Variants in TIMD4 observed in about 807,000 individuals in gnomAD.
The protein encoded by TIMD4 is T cell immunoglobulin and mucin domain containing 4, also known as T-cell immunoglobulin and mucin domain-containing protein 4.
Under a neutral mutation model 41.2 loss-of-function variants are expected in TIMD4, and 31 were observed. That is an observed-to-expected ratio of 0.75 (90% CI 0.57 to 1.01). The LOEUF is 1.01. Ranked by LOEUF, TIMD4 falls within the 50% of genes least tolerant of loss-of-function variation. The pLI is 0.00. For missense variants in TIMD4, 479 were observed against 472.5 expected, an observed-to-expected ratio of 1.01 and a Z score of -0.13; for synonymous variants, 204 against 177.1, an observed-to-expected ratio of 1.15 and a Z score of -1.21.
At chr5:156,954,864 G>A in intron 1 of TIMD4, 108 bp from the exon 2 acceptor site, 11 of 953,668 alleles carry the variant, frequency 1.2e-5, no homozygotes, top group Non-Finnish European at 1.7e-5. Flanking sequence ...GAAAGCTGTA[G>A]TCTATGTTTC....
At chr5:156,950,761 C>T (rs192076869) in intron 3 of TIMD4, among the ~76,000 whole-genome samples, 81 of 152,254 alleles carry the variant, frequency 5.3e-4, no homozygotes, top group African/African-American at 1.6e-3. Flanking sequence ...ATTTTAAAGG[C>T]GTCTGGAGGT....
intron 7 of TIMD4, among the ~76,000 whole-genome samples, chr5:156,921,095 C>T (rs558605312): frequency 1.0e-5 from 1 of 100,200 alleles, no homozygotes; most frequent in South Asian, 3.6e-4. Flanking sequence ...TGTTTCATGG[C>T]TGTTTTTGTA....
chr5:156,927,201 G>A (rs1759363814), intron 5 of TIMD4, among the ~76,000 whole-genome samples: 1 of 152,244 alleles, frequency 6.6e-6, no homozygotes, highest in Admixed American at 6.5e-5. Flanking sequence ...CAGAGTCCCT[G>A]TCTGCTTGTT....
intron 5 of TIMD4, among the ~76,000 whole-genome samples, chr5:156,945,160 CACCAGAGGGGAG>C (rs1208560901): frequency 6.6e-6 from 1 of 152,158 alleles, no homozygotes; most frequent in Non-Finnish European, 1.5e-5. Flanking sequence ...CTGTAAGAGG[CACCAGAGGGGAG>C]ACCAGGAGGA....
At chr5:156,961,670 G>T (rs1228933722) in intron 1 of TIMD4, among the ~76,000 whole-genome samples, 2 of 151,916 alleles carry the variant, frequency 1.3e-5, no homozygotes, top group Non-Finnish European at 2.9e-5. Flanking sequence ...AGGCATGGTG[G>T]CAGGCGCCCA....
rs551738215 is a variant in TIMD4, at chr5:156,953,178, G to A, written c.400+1237C>T. On this transcript the variant is annotated intron_variant, in intron 2 of 8. Transcript: ENST00000274532. ...GGTTATACCCAACTTGAAAAGAGAA[G>A]ACTTGAGTGGGAGTCATCTAACTTC... is the stretch of plus-strand genomic sequence containing the variant. 3.1e-3 allele frequency among the ~76,000 whole-genome samples: 472 copies of A among 152,282 alleles called. 2 individuals carry two copies. The highest frequency in any genetic ancestry group is 5.3e-3 in the Non-Finnish European group (361 of 68,026).
chr5:156,940,218 G>A (rs542220359), intron 5 of TIMD4, among the ~76,000 whole-genome samples: 5 of 152,206 alleles, frequency 3.3e-5, no homozygotes, highest in Non-Finnish European at 7.3e-5. Flanking sequence ...TCGGCCTCCC[G>A]AGGTGCCGGG....
intron 5 of TIMD4, among the ~76,000 whole-genome samples, chr5:156,926,769 G>A (rs186641797): frequency 1.3e-5 from 2 of 152,322 alleles, no homozygotes; most frequent in East Asian, 3.9e-4. Context: ...GTAAATAGTT[G>A]AAAACATAAT....
intron 5 of TIMD4, among the ~76,000 whole-genome samples, chr5:156,939,355 G>A (rs61178070): frequency 0.021 from 3,130 of 152,188 alleles, 96 homozygotes; most frequent in African/African-American, 0.068. Flanking sequence ...CATATAATAA[G>A]TACTCAGTAA....
chr5:156,927,482 C>A (rs543878424), intron 5 of TIMD4, among the ~76,000 whole-genome samples: 1 of 152,274 alleles, frequency 6.6e-6, no homozygotes, highest in East Asian at 1.9e-4. Flanking sequence ...CAGGGAAGGC[C>A]TTTGTTTCCT....
chr5:156,954,572 T>G lies in TIMD4; in HGVS notation c.243A>C (p.Ser81=), dbSNP rs754347670. The change falls in exon 2 of 9, where the codon TCA becomes TCC. Residue 81 remains serine (S), a synonymous_variant. Transcript: ENST00000274532. ...TAGTCCCCTGAAGTCTATATTTTGC[T>G]GACTTTCTTGAGGTCACCCTCATTC... ...TDGMRVTSRK[S]AKYRLQGTIP... is the part of the protein sequence containing the mutation. 6.2e-7 allele frequency: 1 copy of G among 1,614,158 alleles called. No homozygotes were observed. The highest frequency in any genetic ancestry group is 1.3e-5 in the African/African-American group (1 of 74,952).
intron 5 of TIMD4, among the ~76,000 whole-genome samples, chr5:156,931,639 A>G (rs1000049921): frequency 6.6e-6 from 1 of 152,204 alleles, no homozygotes; most frequent in African/African-American, 2.4e-5. Context: ...GTAAGTTAGT[A>G]AATTGGCTTT....
At chr5:156,955,512 C>T (rs954888349) in intron 1 of TIMD4, among the ~76,000 whole-genome samples, 3 of 152,050 alleles carry the variant, frequency 2.0e-5, no homozygotes, top group Admixed American at 6.6e-5. Context: ...AAAAATTAGC[C>T]GGGCGTGGTG....
Position 156,954,642 on chromosome 5 carries a change from T to C in TIMD4, c.173A>G (p.Gln58Arg), listed in dbSNP as rs753296002. 3 of 1,614,250 alleles carry C rather than the reference T, an allele frequency of 1.9e-6. No individual in the cohort carries two copies. Among genetic ancestry groups the C allele is most frequent in the Non-Finnish European group, 2.5e-6 (3 of 1,180,042 alleles). Residue 58 changes from glutamine to arginine, a missense_variant, in exon 2 of 9, where the codon CAG (glutamine) becomes CGG (arginine). Coordinates refer to ENST00000274532, the MANE Select transcript of TIMD4 (RefSeq NM_138379.3). ...CTCCTTGCAACCGGAGTAGGGGCAC[T>C]GGTCTTTCCCCCAGCACATGCTGTT... ...NSNSMCWGKD[Q>R]CPYSGCKEAL...
intron 1 of TIMD4, among the ~76,000 whole-genome samples, chr5:156,962,131 G>A (rs1429914789): frequency 2.0e-5 from 3 of 152,044 alleles, no homozygotes; most frequent in Non-Finnish European, 4.4e-5. Context: ...AATACAGTTA[G>A]TTAGAACATG....
intron 5 of TIMD4, among the ~76,000 whole-genome samples, chr5:156,926,572 T>C (rs1436233905): frequency 1.3e-5 from 2 of 152,224 alleles, no homozygotes; most frequent in Non-Finnish European, 2.9e-5. Context: ...CAGTAGGCAA[T>C]TGGCTCTAAT....
chr5:156,949,599 T>A, intron 4 of TIMD4, 52 bp downstream of exon 4: 1 of 1,416,964 alleles, frequency 7.1e-7, no homozygotes, highest in South Asian at 1.2e-5. Context: ...GTAATTTCCT[T>A]CTCCTCAGTA....
chr5:156,955,107 C>T (rs1229227195), intron 1 of TIMD4, among the ~76,000 whole-genome samples: 1 of 152,056 alleles, frequency 6.6e-6, no homozygotes, highest in Non-Finnish European at 1.5e-5. Flanking sequence ...GGTTCTTTAG[C>T]GTAAGTTTTG....
intron 5 of TIMD4, among the ~76,000 whole-genome samples, chr5:156,937,466 T>C (rs967410203): frequency 1.3e-5 from 2 of 152,208 alleles, no homozygotes; most frequent in Non-Finnish European, 2.9e-5. Context: ...CTCCAGTGCC[T>C]AGAAACCCCT....
Sources: allele counts gnomAD v4.1 joint callset (sites outside exome capture counted in the v4.1 genomes callset), GRCh38; gene constraint gnomAD v4.1.1; transcripts MANE v1.5; gene names NCBI Gene and HGNC (gene_info 2026-07-23, HGNC 2026-07-21).